Variants in SPPL3 observed in about 807,000 individuals in gnomAD.
SPPL3 encodes signal peptide peptidase-like 3.
A neutral mutation model predicts 42.4 loss-of-function variants in SPPL3; 5 were observed. The observed-to-expected ratio is 0.12, with a 90% CI of 0.06 to 0.25. The LOEUF is 0.25. Ranked by LOEUF, SPPL3 falls within the 10% of genes least tolerant of loss-of-function variation. The pLI, the probability that SPPL3 is intolerant of heterozygous loss-of-function variation, is 1.00. For missense variants in SPPL3, 235 were observed against 489.0 expected (o/e 0.48, Z 4.90); for synonymous variants, 195 against 181.8 (o/e 1.07, Z -0.58).
intron 1 of SPPL3, among the ~76,000 whole-genome samples, chr12:120,837,196 A>G (rs1376154791): frequency 2.0e-5 from 3 of 152,178 alleles, no homozygotes; most frequent in Non-Finnish European, 2.9e-5. Flanking sequence ...AGTACTAGCT[A>G]TATTATTAAT....
At chr12:120,857,963 G>A (rs1466205013) in intron 1 of SPPL3, among the ~76,000 whole-genome samples, 1 of 152,002 alleles carries the variant, frequency 6.6e-6, no homozygotes, top group Non-Finnish European at 1.5e-5. Context: ...ATGTATCCTG[G>A]AACTTAATAT....
intron 1 of SPPL3, among the ~76,000 whole-genome samples, chr12:120,874,180 T>C (rs1873007585): frequency 6.6e-6 from 1 of 151,766 alleles, no homozygotes; most frequent in Non-Finnish European, 1.5e-5. Context: ...TGGCCAGGCG[T>C]GGTGGCTCAC....
chr12:120,794,088 T>C (rs1202830134), intron 2 of SPPL3, among the ~76,000 whole-genome samples: 1 of 152,236 alleles, frequency 6.6e-6, no homozygotes, highest in African/African-American at 2.4e-5. Context: ...ATTAGATACA[T>C]AAACATTTGT....
intron 1 of SPPL3, among the ~76,000 whole-genome samples, chr12:120,870,983 A>T (rs886937717): frequency 6.6e-6 from 1 of 151,818 alleles, no homozygotes; most frequent in South Asian, 2.1e-4. Flanking sequence ...AAAAAAAAAC[A>T]GCCGGGCATG....
intron 9 of SPPL3, among the ~76,000 whole-genome samples, chr12:120,767,101 T>G (rs1380016837): frequency 6.6e-6 from 1 of 152,222 alleles, no homozygotes; most frequent in Non-Finnish European, 1.5e-5. Context: ...GTCATTCAAC[T>G]CTAGAGGAAG....
intron 2 of SPPL3, among the ~76,000 whole-genome samples, chr12:120,803,187 G>C (rs1344463501): frequency 6.6e-6 from 1 of 152,164 alleles, no homozygotes; most frequent in Non-Finnish European, 1.5e-5. Flanking sequence ...TGGTCCTTGT[G>C]AAACACTAGT....
chr12:120,833,896 G>T (rs1871522676), intron 1 of SPPL3, among the ~76,000 whole-genome samples: 1 of 151,872 alleles, frequency 6.6e-6, no homozygotes, highest in Non-Finnish European at 1.5e-5. Context: ...CGGGGCTACA[G>T]CTGAAAACTG....
intron 2 of SPPL3, among the ~76,000 whole-genome samples, chr12:120,803,933 T>C (rs1053749272): frequency 6.6e-6 from 1 of 152,192 alleles, no homozygotes; most frequent in Non-Finnish European, 1.5e-5. Flanking sequence ...ATGACAATTG[T>C]GAACCATAGT....
chr12:120,791,619 C>A, intron 2 of SPPL3, 62 bp from the exon 3 acceptor site: 1 of 1,084,988 alleles, frequency 9.2e-7, no homozygotes, highest in South Asian at 1.4e-5. Flanking sequence ...TCAGAAAAGT[C>A]ATATGACAAT....
At position 120,767,551 on chromosome 12, in the gene SPPL3, G is replaced by T; in HGVS notation, c.816C>A (p.Ile272=). 1 of 1,614,196 alleles carries T rather than the reference G, an allele frequency of 6.2e-7. No homozygotes were observed. The highest frequency in any genetic ancestry group is 8.5e-7 in the Non-Finnish European group (1 of 1,180,040). The change falls in exon 9 of 11, where the codon ATC becomes ATA. Residue 272 remains isoleucine, a synonymous_variant. Transcript: ENST00000353487. ...AGCATAGTAGGAGACCAGGCATAAC[G>T]ATGTCTCCGATGCCCAACATGGAGA... ...SHFSMLGIGD[I]VMPGLLLCFV... is the part of the protein sequence containing the mutation.
intron 3 of SPPL3, among the ~76,000 whole-genome samples, chr12:120,788,006 T>C (rs1779776658): frequency 6.6e-6 from 1 of 152,216 alleles, no homozygotes; most frequent in African/African-American, 2.4e-5. Context: ...CATGTGACTG[T>C]ATTTGCTGGA....
intron 1 of SPPL3, among the ~76,000 whole-genome samples, chr12:120,898,679 C>T (rs888340586): frequency 6.6e-6 from 1 of 152,116 alleles, no homozygotes; most frequent in Non-Finnish European, 1.5e-5. Flanking sequence ...ACAGTCAACA[C>T]TGTGGAAACA....
intron 1 of SPPL3, among the ~76,000 whole-genome samples, chr12:120,814,455 A>G (rs1428760935): frequency 6.6e-6 from 1 of 152,234 alleles, no homozygotes; most frequent in Non-Finnish European, 1.5e-5. Flanking sequence ...ACCAAGAGAT[A>G]TCTGAGCTAT....
At chr12:120,870,104 A>G (rs1872231802) in intron 1 of SPPL3, among the ~76,000 whole-genome samples, 1 of 152,234 alleles carries the variant, frequency 6.6e-6, no homozygotes, top group Non-Finnish European at 1.5e-5. Flanking sequence ...TATTGTCAAC[A>G]TGGAAAAAAG....
intron 1 of SPPL3, chr12:120,845,598 C>A: frequency 2.1e-6 from 1 of 470,454 alleles, no homozygotes. Context: ...CATGAGGATG[C>A]ACATTTCTTT....
chr12:120,786,980 A>T (rs1869742626), intron 3 of SPPL3, among the ~76,000 whole-genome samples: 1 of 152,248 alleles, frequency 6.6e-6, no homozygotes, highest in Non-Finnish European at 1.5e-5. Context: ...TGGAATTAAA[A>T]ATTTTGTACA....
chr12:120,815,223 C>A (rs994772651), intron 1 of SPPL3, among the ~76,000 whole-genome samples: 5 of 152,172 alleles, frequency 3.3e-5, no homozygotes, highest in Admixed American at 2.6e-4. Context: ...AGAGGTTATA[C>A]CATTTCACAC....
chr12:120,792,646 G>A (rs533397850), intron 2 of SPPL3, among the ~76,000 whole-genome samples: 1 of 141,586 alleles, frequency 7.1e-6, no homozygotes, highest in South Asian at 2.2e-4. Context: ...GTTGCAGTGA[G>A]CCAAGATTGC....
chr12:120,864,543 A>G (rs1285806921), intron 1 of SPPL3, among the ~76,000 whole-genome samples: 1 of 152,192 alleles, frequency 6.6e-6, no homozygotes, highest in Non-Finnish European at 1.5e-5. Flanking sequence ...AAAAAACAAA[A>G]ACAAAAACAA....
Sources: gnomAD v4.1 joint callset for allele counts (sites outside exome capture counted in the v4.1 genomes callset) on GRCh38, gnomAD v4.1.1 for gene constraint, MANE v1.5 for transcripts, NCBI Gene and HGNC (gene_info 2026-07-23, HGNC 2026-07-21) for gene names.